The following MSH3 variants were observed in gnomAD, a reference collection of about 807,000 sequenced individuals.
MSH3 encodes mutS homolog 3.
In MSH3, 106 loss-of-function variants were observed where a neutral mutation model predicts 123.3. The observed-to-expected ratio is 0.86, with a 90% CI of 0.73 to 1.01. The LOEUF (loss-of-function observed/expected upper bound fraction) is 1.01. MSH3 is among the 50% of genes least tolerant of loss of function. The pLI, the probability that MSH3 is intolerant of heterozygous loss-of-function variation, is 0.00. For missense variants in MSH3, 1,459 were observed against 1,347.6 expected, an observed-to-expected ratio of 1.08 and a Z score of -1.29; for synonymous variants, 515 against 481.4, an observed-to-expected ratio of 1.07 and a Z score of -0.91.
Position 80,693,637 on chromosome 5 carries a change from A to G in MSH3, c.1340+14544A>G, listed in dbSNP as rs1750399148. ...CACACACACATATACACACACACAC[A>G]CACACACACACAAACACATATATAT... is the stretch of plus-strand genomic sequence containing the variant. On this transcript the variant is annotated intron_variant, in intron 8 of 23. Transcript: ENST00000265081. Among the ~76,000 whole-genome samples the G allele has an allele frequency of 2.6e-5, 4 of 151,512 alleles. No individual in the cohort carries two copies. The South Asian group carries it at 8.3e-4, about 32-fold the overall frequency.
Position 80,724,938 on chromosome 5 carries a change from G to A in MSH3, c.1341-515G>A, listed in dbSNP as rs6151722. Among the ~76,000 whole-genome samples, 88 of 152,244 alleles carry A rather than the reference G, an allele frequency of 5.8e-4. 1 individual carries two copies. The highest frequency in any genetic ancestry group is 2.1e-3 in the African/African-American group (87 of 41,540). On this transcript the variant is annotated intron_variant, in intron 8 of 23. Coordinates refer to ENST00000265081, the MANE Select transcript of MSH3 (RefSeq NM_002439.5). ...GCAGTTAATAAAAAGTACTTGGCCA[G>A]GCGCAGTGGCTCACGCCTGTAATCC... is the stretch of plus-strand genomic sequence containing the variant.
chr5:80,845,361 A>T (rs569214483), intron 20 of MSH3, among the ~76,000 whole-genome samples: 1 of 152,262 alleles, frequency 6.6e-6, no homozygotes, highest in East Asian at 1.9e-4. Context: ...ACCTTGGTGA[A>T]TCTGACAATT....
intron 20 of MSH3, among the ~76,000 whole-genome samples, chr5:80,845,273 G>A (rs377306650): frequency 7.2e-5 from 11 of 152,224 alleles, no homozygotes; most frequent in Non-Finnish European, 1.6e-4. Context: ...GAGATCCACT[G>A]TTAGTCTGAT....
intron 8 of MSH3, among the ~76,000 whole-genome samples, chr5:80,714,369 C>T (rs539868749): frequency 1.2e-3 from 188 of 152,076 alleles, no homozygotes; most frequent in Middle Eastern, 3.4e-3. Context: ...CTCCTGACCT[C>T]AGGTGATCCG....
chr5:80,850,358 C>A (rs1745809581), intron 20 of MSH3, among the ~76,000 whole-genome samples: 1 of 152,170 alleles, frequency 6.6e-6, no homozygotes, highest in Non-Finnish European at 1.5e-5. Context: ...ATCTTTCCAG[C>A]AACACCCCAC....
chr5:80,662,298 C>G (rs1333501125), intron 2 of MSH3, among the ~76,000 whole-genome samples: 3 of 152,192 alleles, frequency 2.0e-5, no homozygotes, highest in Non-Finnish European at 1.5e-5. Context: ...AGTACACTCT[C>G]TGATGTGCAC....
intron 8 of MSH3, among the ~76,000 whole-genome samples, chr5:80,684,744 T>C (rs1337208084): frequency 6.6e-6 from 1 of 151,972 alleles, no homozygotes. Context: ...TTATCGTACT[T>C]AGAGGAAAGG....
intron 8 of MSH3, among the ~76,000 whole-genome samples, chr5:80,713,849 C>T (rs914553108): frequency 3.9e-5 from 6 of 152,098 alleles, no homozygotes; most frequent in African/African-American, 1.2e-4. Context: ...TGAAAATGCT[C>T]GCTCTCCTCT....
intron 16 of MSH3, 148 bp from the exon 17 acceptor site, chr5:80,778,572 G>A (rs556913845): frequency 1.5e-5 from 10 of 666,592 alleles, no homozygotes; most frequent in East Asian, 2.7e-5. Context: ...TAGAGTTCAG[G>A]ACCATAATTA....
chr5:80,774,413 A>AC (rs1466975018), intron 15 of MSH3, among the ~76,000 whole-genome samples: 1 of 152,060 alleles, frequency 6.6e-6, no homozygotes, highest in African/African-American at 2.4e-5. Context: ...CCTCAAAAAA[A>AC]AAAAAAAAAT....
intron 20 of MSH3, among the ~76,000 whole-genome samples, chr5:80,819,442 GTA>G (rs1368672277): frequency 7.3e-5 from 5 of 68,310 alleles, no homozygotes; most frequent in African/African-American, 2.1e-4. Context: ...GTATATATAT[GTA>G]TATGTGTGTG....
At chr5:80,841,528 A>G (rs986110625) in intron 20 of MSH3, among the ~76,000 whole-genome samples, 7 of 152,226 alleles carry the variant, frequency 4.6e-5, no homozygotes, top group African/African-American at 1.2e-4. Context: ...CCAACAGTGT[A>G]AAAGCGTTTC....
chr5:80,703,120 G>A (rs1472906417), intron 8 of MSH3, among the ~76,000 whole-genome samples: 1 of 152,300 alleles, frequency 6.6e-6, no homozygotes, highest in African/African-American at 2.4e-5. Context: ...CCTTTGAGGT[G>A]ATTACAATTA....
chr5:80,680,151 C>T (rs1315776564), intron 8 of MSH3, among the ~76,000 whole-genome samples: 1 of 151,354 alleles, frequency 6.6e-6, no homozygotes, highest in Non-Finnish European at 1.5e-5. Context: ...TCCCAGCTAC[C>T]CCGGAGGCTG....
At chr5:80,783,181 G>A (rs1003490044) in intron 17 of MSH3, among the ~76,000 whole-genome samples, 1 of 152,192 alleles carries the variant, frequency 6.6e-6, no homozygotes, top group African/African-American at 2.4e-5. Flanking sequence ...TAGAACCAAA[G>A]TGTCTTCATC....
chr5:80,788,399 T>G (rs1459507995), intron 18 of MSH3, among the ~76,000 whole-genome samples: 1 of 152,110 alleles, frequency 6.6e-6, no homozygotes. Flanking sequence ...ATCGTGCCAC[T>G]GCACTCCATC....
chr5:80,876,136 G>A lies in MSH3; in HGVS notation c.*274G>A, dbSNP rs1746304443. On this transcript the variant is annotated 3_prime_UTR_variant, in exon 24 of 24. Transcript: ENST00000265081. ...AAGTCCAGTAAAGCCTTAAGTGGCA[G>A]AATATAATTCCCAAGCTTTTGGAGG... 5.3e-6 allele frequency: 2 copies of A among 377,528 alleles called. No homozygotes were observed. Among genetic ancestry groups the A allele is most frequent in the Admixed American group, 8.5e-5 (2 of 23,650 alleles). The allele number at this position is 377,528 out of a possible 1,614,324, so 23.4% of individuals were successfully genotyped here. A position where few individuals can be genotyped will look rare whatever the true frequency, so the allele number is the denominator to read the frequency against.
rs778848549 is a variant in MSH3, at chr5:80,778,748, C to G, written c.2347C>G (p.Pro783Ala). The change falls in exon 17 of 24, where the codon CCT becomes GCT. Residue 783 changes from proline to alanine, a missense_variant. Transcript: ENST00000265081. ...STKAVSRFHSPFIVENYRHLN... is the reference protein window; with the variant it reads ...STKAVSRFHSAFIVENYRHLN... ...AAAAGCTGTGAGCCGCTTTCACTCTCCTTTTATTGTAGAAAATTACAGACA... is the reference window on the plus strand; with the variant it reads ...AAAAGCTGTGAGCCGCTTTCACTCTGCTTTTATTGTAGAAAATTACAGACA... The G allele has an allele frequency of 6.2e-7, 1 of 1,612,286 alleles. No individual in the cohort carries two copies. The highest frequency in any genetic ancestry group is 8.5e-7 in the Non-Finnish European group (1 of 1,178,326).
At position 80,667,925 on chromosome 5, in the gene MSH3, TCTTTTAGCC is replaced by T. The variant is rs569150741; in HGVS notation, c.580-2169_580-2161del. 1.7e-4 allele frequency among the ~76,000 whole-genome samples: 26 copies of T among 152,296 alleles called. No individual in the cohort carries two copies. In the South Asian group the frequency reaches 4.3e-3, roughly 25 times the overall value. On this transcript the variant is annotated intron_variant, in intron 3 of 23. Coordinates refer to ENST00000265081, the MANE Select transcript of MSH3 (RefSeq NM_002439.5). The stretch of plus-strand genomic sequence containing the variant: ...GTTTCAGGCCTGTTTGTGTTACAGC[TCTTTTAGCC>T]CTGCCATTCGGTGGGTCCCAGGTTC...
Sources: allele counts gnomAD v4.1 joint callset (sites outside exome capture counted in the v4.1 genomes callset), GRCh38; gene constraint gnomAD v4.1.1; transcripts MANE v1.5; gene names NCBI Gene and HGNC (gene_info 2026-07-23, HGNC 2026-07-21).